PCLO: variants seen among roughly 807,000 people sequenced by gnomAD.
PCLO encodes protein piccolo.
Under a neutral mutation model 427.5 loss-of-function variants are expected in PCLO, and 82 were observed. The ratio of observed to expected loss-of-function variants is 0.19; its 90% CI spans 0.16 to 0.23. PCLO has a LOEUF of 0.23. Ranked by LOEUF, PCLO falls within the 10% of genes least tolerant of loss-of-function variation. The pLI is 1.00. For synonymous variants in PCLO, 2,357 were observed against 2,155.4 expected (o/e 1.09, Z -2.59); for missense variants, 6,239 against 6,115.9 (o/e 1.02, Z -0.67).
At chr7:82,831,494 G>A (rs1398876201) in intron 16 of PCLO, among the ~76,000 whole-genome samples, 3 of 151,714 alleles carry the variant, frequency 2.0e-5, no homozygotes, top group Admixed American at 6.6e-5. Context: ...TATAAACATC[G>A]TGAACAAGTT....
At chr7:83,048,289 A>T (rs1789150196) in intron 3 of PCLO, among the ~76,000 whole-genome samples, 1 of 152,052 alleles carries the variant, frequency 6.6e-6, no homozygotes, top group South Asian at 2.1e-4. Context: ...AGAATACTAT[A>T]CCTGTTCTTT....
chr7:82,943,233 A>G (rs1215731192), intron 6 of PCLO, among the ~76,000 whole-genome samples: 1 of 152,200 alleles, frequency 6.6e-6, no homozygotes, highest in Non-Finnish European at 1.5e-5. Context: ...TGGCTTAAAC[A>G]CTAGAACAAA....
chr7:83,162,279 G>C (rs7457218), intron 1 of PCLO, 66 bp downstream of exon 1: 60,662 of 1,493,594 alleles, frequency 0.041, 1,423 homozygotes, highest in Non-Finnish European at 0.046. Flanking sequence ...GCACATACAG[G>C]CTGGCACATA....
chr7:82,830,652 T>C (rs1792071661), intron 16 of PCLO, among the ~76,000 whole-genome samples: 1 of 152,000 alleles, frequency 6.6e-6, no homozygotes, highest in South Asian at 2.1e-4. Flanking sequence ...TTAAGATTTA[T>C]AATACACTGA....
At chr7:83,062,803 A>C (rs149264044) in intron 3 of PCLO, among the ~76,000 whole-genome samples, 2 of 152,208 alleles carry the variant, frequency 1.3e-5, no homozygotes, top group East Asian at 3.9e-4. Flanking sequence ...TGGTAGTTTT[A>C]TTGTGATACC....
intron 1 of PCLO, among the ~76,000 whole-genome samples, chr7:83,160,406 CTA>C (rs775883433): frequency 5.9e-5 from 9 of 152,224 alleles, no homozygotes; most frequent in Admixed American, 3.9e-4. Flanking sequence ...TTACATAACT[CTA>C]TAACTTTAAA....
chr7:83,127,245 A>T (rs1791460150), intron 3 of PCLO, among the ~76,000 whole-genome samples: 1 of 152,100 alleles, frequency 6.6e-6, no homozygotes, highest in Admixed American at 6.5e-5. Flanking sequence ...GAGAATGACT[A>T]ATGTATAATG....
chr7:82,915,198 C>T lies in PCLO; in HGVS notation c.12788G>A (p.Gly4263Glu). The change falls in exon 7 of 25, where the codon GGA becomes GAA. Residue 4263 changes from glycine to glutamate, a missense_variant. Physicochemically the swap from Gly to Glu is moderately conservative, Grantham distance 98. Coordinates refer to ENST00000333891, the MANE Select transcript of PCLO (RefSeq NM_033026.6). The stretch of plus-strand genomic sequence containing the variant: ...TATGGTATTTCCTAATGTGCCCAGT[C>T]CTGTGCCAAGAGAAGATCCCATAAA... ...QKFMGSSLGT[G>E]LGTLGNTIRS... 6.2e-7 allele frequency: 1 copy of T among 1,610,718 alleles called. No homozygotes were observed. The highest frequency in any genetic ancestry group is 8.5e-7 in the Non-Finnish European group (1 of 1,178,280).
At chr7:82,921,144 T>C (rs896849384) in intron 6 of PCLO, among the ~76,000 whole-genome samples, 1 of 151,894 alleles carries the variant, frequency 6.6e-6, no homozygotes, top group Non-Finnish European at 1.5e-5. Context: ...TACCTCACCA[T>C]ACTGCCCAAA....
At chr7:82,908,796 T>A in intron 8 of PCLO, 81 bp downstream of exon 8, 6 of 1,206,186 alleles carry the variant, frequency 5.0e-6, no homozygotes, top group Non-Finnish European at 7.1e-6. Flanking sequence ...CTCATTCCTT[T>A]TAGGACAATT....
chr7:83,011,460 A>C (rs927396607), intron 3 of PCLO, among the ~76,000 whole-genome samples: 5 of 152,100 alleles, frequency 3.3e-5, no homozygotes, highest in Non-Finnish European at 7.4e-5. Context: ...CATTCTGCTA[A>C]GACAAAAACA....
At chr7:82,874,500 A>C (rs759772707) in intron 10 of PCLO, among the ~76,000 whole-genome samples, 7 of 152,144 alleles carry the variant, frequency 4.6e-5, no homozygotes, top group African/African-American at 7.2e-5. Context: ...TGAATTTCCC[A>C]AATTTGGAGA....
chr7:83,076,104 C>T (rs185685348), intron 3 of PCLO, among the ~76,000 whole-genome samples: 2 of 137,118 alleles, frequency 1.5e-5, no homozygotes, highest in East Asian at 4.3e-4. Context: ...ACCATTCCTA[C>T]ACACCAGTTT....
chr7:82,936,549 T>C (rs1470334510), intron 6 of PCLO, among the ~76,000 whole-genome samples: 8 of 151,474 alleles, frequency 5.3e-5, no homozygotes, highest in African/African-American at 1.2e-4. Flanking sequence ...TGTAGGGAAA[T>C]TGCAACCCTT....
chr7:82,921,314 A>C (rs1293486791), intron 6 of PCLO, among the ~76,000 whole-genome samples: 1 of 151,794 alleles, frequency 6.6e-6, no homozygotes, highest in Non-Finnish European at 1.5e-5. Context: ...AAACAAAAAC[A>C]AAGCTAGGGG....
intron 3 of PCLO, among the ~76,000 whole-genome samples, chr7:83,061,512 A>G (rs1789543040): frequency 6.6e-6 from 1 of 152,222 alleles, no homozygotes; most frequent in Non-Finnish European, 1.5e-5. Context: ...TCACAAGTCC[A>G]GCTTGCATTC....
Position 82,879,324 on chromosome 7 carries a change from T to A in PCLO, c.13654+13A>T, listed in dbSNP as rs1793445418. 6.3e-7 allele frequency: 1 copy of A among 1,596,596 alleles called. No individual in the cohort carries two copies. The highest frequency in any genetic ancestry group is 1.4e-5 in the African/African-American group (1 of 73,856). ...CATTCATTTTATTTTACTGTAAAATTCCTTATTCTTACCTTCCATAAGCTT... is the reference window on the plus strand; with the variant it reads ...CATTCATTTTATTTTACTGTAAAATACCTTATTCTTACCTTCCATAAGCTT... On this transcript the variant is annotated intron_variant, in intron 10 of 24. Coordinates refer to ENST00000333891, the MANE Select transcript of PCLO (RefSeq NM_033026.6).
At chr7:82,853,148 A>G (rs2115858024) in intron 10 of PCLO, among the ~76,000 whole-genome samples, 1 of 152,278 alleles carries the variant, frequency 6.6e-6, no homozygotes, top group African/African-American at 2.4e-5. Context: ...GTTGTGTTGA[A>G]GAGCTAATCT....
intron 3 of PCLO, among the ~76,000 whole-genome samples, chr7:82,971,607 A>C (rs1387166175): frequency 1.4e-5 from 2 of 147,754 alleles, no homozygotes; most frequent in Non-Finnish European, 3.0e-5. Flanking sequence ...ATGATATGAT[A>C]TATGATATCG....
Sources: allele counts gnomAD v4.1 joint callset (sites outside exome capture counted in the v4.1 genomes callset), GRCh38; gene constraint gnomAD v4.1.1; transcripts MANE v1.5; gene names NCBI Gene and HGNC (gene_info 2026-07-23, HGNC 2026-07-21).